NELL1: variants seen among roughly 807,000 people sequenced by gnomAD.
NELL1 encodes the protein protein kinase C-binding protein NELL1.
Under a neutral mutation model 107.4 loss-of-function variants are expected in NELL1, and 76 were observed. The observed-to-expected ratio is 0.71, with a 90% CI of 0.59 to 0.86. The LOEUF (loss-of-function observed/expected upper bound fraction) is 0.86. NELL1 is among the 40% of genes least tolerant of loss of function. The pLI is 0.00. For missense variants in NELL1, 1,024 were observed against 1,005.5 expected, an observed-to-expected ratio of 1.02 and a Z score of -0.25; for synonymous variants, 353 against 341.2, an observed-to-expected ratio of 1.03 and a Z score of -0.38.
chr11:21,140,562 G>T (rs1298819233), intron 13 of NELL1, among the ~76,000 whole-genome samples: 1 of 152,130 alleles, frequency 6.6e-6, no homozygotes, highest in Non-Finnish European at 1.5e-5. Context: ...ATGAGGCTTT[G>T]GTCACAGTTC....
chr11:21,547,052 G>A (rs1856460860), intron 16 of NELL1, among the ~76,000 whole-genome samples: 1 of 151,936 alleles, frequency 6.6e-6, no homozygotes, highest in African/African-American at 2.4e-5. Flanking sequence ...GACAGTGGAA[G>A]TGGACAAGGA....
intron 17 of NELL1, among the ~76,000 whole-genome samples, chr11:21,563,455 G>T (rs1245496121): frequency 2.0e-5 from 3 of 152,018 alleles, no homozygotes; most frequent in Admixed American, 2.0e-4. Flanking sequence ...GAAAGGGGAA[G>T]CATAGTCTGC....
Position 21,492,693 on chromosome 11 carries a change from A to T in NELL1, c.1646-41681A>T, listed in dbSNP as rs191389588. 9.7e-5 allele frequency among the ~76,000 whole-genome samples: 14 copies of T among 144,156 alleles called. No individual in the cohort carries two copies. The Admixed American group carries it at 1.0e-3, about 11-fold the overall frequency. The allele number at this position is 144,156 out of a possible 152,430, so 94.6% of individuals were successfully genotyped here. ...TCTCACTCATAGGTGGGAATTGAAC[A>T]ATGAGAACACATGGACATAGGAAGG... On this transcript the variant is annotated intron_variant, in intron 15 of 19. Transcript: ENST00000357134.
intron 12 of NELL1, among the ~76,000 whole-genome samples, chr11:20,975,231 G>A (rs1319411848): frequency 6.6e-6 from 1 of 151,818 alleles, no homozygotes; most frequent in Non-Finnish European, 1.5e-5. Flanking sequence ...GGTCAGGCTG[G>A]TCTCGAACTC....
At chr11:20,722,648 G>A (rs1855418028) in intron 2 of NELL1, among the ~76,000 whole-genome samples, 1 of 152,102 alleles carries the variant, frequency 6.6e-6, no homozygotes, top group South Asian at 2.1e-4. Context: ...ATAAATATGA[G>A]ACAATCATTT....
intron 15 of NELL1, among the ~76,000 whole-genome samples, chr11:21,468,999 G>T (rs923055533): frequency 3.5e-4 from 53 of 150,898 alleles, no homozygotes; most frequent in Non-Finnish European, 6.2e-4. Flanking sequence ...TGTTTTTTTT[G>T]TTTGTTTTTT....
At chr11:21,354,294 G>A (rs1850880894) in intron 14 of NELL1, among the ~76,000 whole-genome samples, 1 of 152,222 alleles carries the variant, frequency 6.6e-6, no homozygotes, top group South Asian at 2.1e-4. Flanking sequence ...TAAGTTGCGA[G>A]ATATGATGGT....
At position 21,090,117 on chromosome 11, in the gene NELL1, G is replaced by A. The variant is rs74626809; in HGVS notation, c.1301-23472G>A. On this transcript the variant is annotated intron_variant, in intron 12 of 19. Coordinates refer to ENST00000357134, the MANE Select transcript of NELL1 (RefSeq NM_006157.5). ...TTTGCCACTTCCTGTAGTTTGAGAT[G>A]TACAATAATACAGAAAATAAATAGA... Among the ~76,000 whole-genome samples the A allele has an allele frequency of 8.3e-3, 1,261 of 152,216 alleles. 39 individuals are homozygous for A. In the South Asian group the frequency reaches 0.098, roughly 12 times the overall value.
chr11:20,776,353 C>T (rs984026570), intron 2 of NELL1, among the ~76,000 whole-genome samples: 1 of 152,000 alleles, frequency 6.6e-6, no homozygotes, highest in African/African-American at 2.4e-5. Context: ...GCAGGAGAAT[C>T]GCTTGAACCC....
intron 15 of NELL1, among the ~76,000 whole-genome samples, chr11:21,491,119 T>C (rs1056877414): frequency 6.6e-6 from 1 of 152,114 alleles, no homozygotes; most frequent in East Asian, 1.9e-4. Flanking sequence ...AATAGTCCCA[T>C]TAAAAAGTTG....
intron 13 of NELL1, among the ~76,000 whole-genome samples, chr11:21,173,436 TG>T (rs1240093939): frequency 1.3e-5 from 2 of 151,880 alleles, no homozygotes; most frequent in Non-Finnish European, 2.9e-5. Flanking sequence ...TTATGTACTT[TG>T]CCACAGGGAG....
At chr11:21,102,614 C>T (rs893708008) in intron 12 of NELL1, among the ~76,000 whole-genome samples, 29 of 152,122 alleles carry the variant, frequency 1.9e-4, no homozygotes, top group Non-Finnish European at 2.9e-4. Flanking sequence ...CTGGCACTTG[C>T]AAAATGTTAT....
intron 2 of NELL1, among the ~76,000 whole-genome samples, chr11:20,770,630 C>G (rs1364061379): frequency 2.0e-5 from 3 of 152,164 alleles, no homozygotes. Context: ...AATTAGCTAA[C>G]AAGGCATGTA....
At chr11:20,688,179 AC>A (rs1479706305) in intron 2 of NELL1, among the ~76,000 whole-genome samples, 1 of 143,638 alleles carries the variant, frequency 7.0e-6, no homozygotes, top group Non-Finnish European at 1.5e-5. Context: ...ATGAGAGAGA[AC>A]TTTTTTTTTA....
intron 15 of NELL1, among the ~76,000 whole-genome samples, chr11:21,494,004 A>G (rs12418253): frequency 0.26 from 39,803 of 151,852 alleles, 5,952 homozygotes; most frequent in Non-Finnish European, 0.33. Flanking sequence ...AATAATCATT[A>G]TTGTACATAT....
At chr11:20,805,211 T>G (rs1335465312) in intron 3 of NELL1, among the ~76,000 whole-genome samples, 1 of 152,102 alleles carries the variant, frequency 6.6e-6, no homozygotes, top group Non-Finnish European at 1.5e-5. Flanking sequence ...TGGGTCTTGG[T>G]TTTTGTTTGC....
At chr11:21,282,770 T>G (rs1015246590) in intron 14 of NELL1, among the ~76,000 whole-genome samples, 1 of 152,116 alleles carries the variant, frequency 6.6e-6, no homozygotes, top group Non-Finnish European at 1.5e-5. Flanking sequence ...ATTGAAGCAA[T>G]GTAAGTGTCC....
At chr11:21,128,460 T>C (rs1713907609) in intron 13 of NELL1, among the ~76,000 whole-genome samples, 1 of 152,166 alleles carries the variant, frequency 6.6e-6, no homozygotes, top group African/African-American at 2.4e-5. Flanking sequence ...TAGAGACATA[T>C]AAGGCATCAG....
At chr11:21,183,327 G>C (rs1856867546) in intron 13 of NELL1, among the ~76,000 whole-genome samples, 1 of 151,868 alleles carries the variant, frequency 6.6e-6, no homozygotes, top group African/African-American at 2.4e-5. Context: ...ATAAATGATT[G>C]TTGCTGAAGT....
Sources: allele counts gnomAD v4.1 joint callset (sites outside exome capture counted in the v4.1 genomes callset), GRCh38; gene constraint gnomAD v4.1.1; transcripts MANE v1.5; gene names NCBI Gene and HGNC (gene_info 2026-07-23, HGNC 2026-07-21).